MYO1B: variants seen among roughly 807,000 people sequenced by gnomAD.
The protein encoded by MYO1B is myosin IB, also known as unconventional myosin-Ib.
MYO1B carries 72 observed loss-of-function variants against 159.7 expected under a neutral mutation model. The observed-to-expected ratio is 0.45, with a 90% confidence interval of 0.37 to 0.55. The LOEUF is 0.55. Among genes scored for constraint, MYO1B ranks in the 20% least tolerant of loss-of-function variants. The pLI is 0.00. For synonymous variants in MYO1B, 468 were observed against 473.8 expected (o/e 0.99, Z 0.16); for missense variants, 1,062 against 1,364.8 (o/e 0.78, Z 3.50).
At position 191,390,206 on chromosome 2, in the gene MYO1B, A is replaced by C; in HGVS notation, c.1782-86A>C. ...AATAACATAATTGTTTTGCTATGAA[A>C]CAGTTATATATAATACTTTGTGAAA... On this transcript the variant is annotated intron_variant, in intron 17 of 30. Transcript: ENST00000392318. The C allele has an allele frequency of 3.3e-6, 4 of 1,213,534 alleles. No homozygotes were observed. In the South Asian group the frequency reaches 7.8e-5, roughly 24 times the overall value. The allele number at this position is 1,213,534 out of a possible 1,614,324, so 75.2% of individuals were successfully genotyped here.
intron 2 of MYO1B, among the ~76,000 whole-genome samples, chr2:191,289,314 T>G (rs1227517842): frequency 2.0e-5 from 3 of 152,244 alleles, no homozygotes; most frequent in Non-Finnish European, 4.4e-5. Flanking sequence ...GATTGTATGC[T>G]CTAATGAAAA....
intron 2 of MYO1B, among the ~76,000 whole-genome samples, chr2:191,280,872 A>C (rs553359722): frequency 1.3e-4 from 20 of 152,296 alleles, no homozygotes; most frequent in Non-Finnish European, 2.5e-4. Context: ...GGATGTGTCC[A>C]TGGGAAGAAT....
intron 3 of MYO1B, among the ~76,000 whole-genome samples, chr2:191,306,076 TA>T (rs1689634361): frequency 6.6e-6 from 1 of 152,126 alleles, no homozygotes; most frequent in African/African-American, 2.4e-5. Flanking sequence ...CAAGAGACGT[TA>T]ATAAAACAAA....
At chr2:191,301,489 T>TC (rs1230175231) in intron 3 of MYO1B, among the ~76,000 whole-genome samples, 1 of 152,118 alleles carries the variant, frequency 6.6e-6, no homozygotes, top group Non-Finnish European at 1.5e-5. Context: ...ACTCCTGACC[T>TC]CCAAATGCAG....
intron 11 of MYO1B, among the ~76,000 whole-genome samples, chr2:191,366,078 C>T (rs1479342916): frequency 6.6e-6 from 1 of 152,148 alleles, no homozygotes; most frequent in East Asian, 1.9e-4. Flanking sequence ...TTTTGAGAGC[C>T]ACCGAGTTTG....
chr2:191,382,062 G>C (rs1695072329), intron 14 of MYO1B, among the ~76,000 whole-genome samples: 1 of 151,994 alleles, frequency 6.6e-6, no homozygotes, highest in Non-Finnish European at 1.5e-5. Flanking sequence ...ACCAGAAGTA[G>C]TGTTTGCAGA....
intron 24 of MYO1B, among the ~76,000 whole-genome samples, chr2:191,407,369 G>A (rs770260543): frequency 6.6e-6 from 1 of 151,948 alleles, no homozygotes; most frequent in South Asian, 2.1e-4. Context: ...ATTTGTATCT[G>A]GATGGTAATA....
chr2:191,399,302 AGAGGGAGAG>A (rs1696454203), intron 21 of MYO1B, among the ~76,000 whole-genome samples: 1 of 148,366 alleles, frequency 6.7e-6, no homozygotes, highest in Non-Finnish European at 1.5e-5. Context: ...AGGGAGAGGG[AGAGGGAGAG>A]GGAGGAAGAT....
chr2:191,276,782 G>T, intron 1 of MYO1B, 105 bp from the exon 2 acceptor site: 1 of 1,324,436 alleles, frequency 7.6e-7, no homozygotes, highest in South Asian at 1.5e-5. Context: ...TAAGGCTAGT[G>T]AGAGTCATTT....
intron 3 of MYO1B, among the ~76,000 whole-genome samples, chr2:191,310,462 C>T (rs996512906): frequency 2.6e-5 from 4 of 152,178 alleles, no homozygotes; most frequent in East Asian, 1.9e-4. Flanking sequence ...CTCGGCCTCC[C>T]GAAGTGCTGG....
intron 24 of MYO1B, among the ~76,000 whole-genome samples, chr2:191,404,038 T>C (rs1196412994): frequency 6.6e-6 from 1 of 152,212 alleles, no homozygotes; most frequent in African/African-American, 2.4e-5. Flanking sequence ...AAAACAGAGG[T>C]ACTTTACTAT....
chr2:191,308,193 A>G (rs1220875923), intron 3 of MYO1B, among the ~76,000 whole-genome samples: 5 of 152,156 alleles, frequency 3.3e-5, no homozygotes, highest in African/African-American at 1.2e-4. Context: ...GTTATGAATA[A>G]TACAAGATAC....
intron 2 of MYO1B, among the ~76,000 whole-genome samples, chr2:191,291,596 G>A (rs939689844): frequency 7.2e-5 from 11 of 152,158 alleles, no homozygotes; most frequent in African/African-American, 1.9e-4. Flanking sequence ...GGACCTGAGG[G>A]CTTAGGGGAG....
rs118033532 is a variant in MYO1B at position 191,256,310 on chromosome 2, C to T, written c.-10+10684C>T. On this transcript the variant is annotated intron_variant, in intron 1 of 30. Coordinates refer to ENST00000392318, the MANE Select transcript of MYO1B (RefSeq NM_001130158.3). ...CGGTCTGCCTCCATTTTCTCATCTG[C>T]GCAATGTGGGTAATTTTGCAGAGCT... Among the ~76,000 whole-genome samples the T allele has an allele frequency of 1.6e-4, 24 of 152,244 alleles. No individual in the cohort carries two copies. In the East Asian group the frequency reaches 4.1e-3, roughly 26 times the overall value.
At chr2:191,405,111 A>G (rs149916061) in intron 24 of MYO1B, among the ~76,000 whole-genome samples, 1 of 152,350 alleles carries the variant, frequency 6.6e-6, no homozygotes, top group African/African-American at 2.4e-5. Flanking sequence ...GGAATATTCC[A>G]AATCCTTTGT....
At chr2:191,418,259 G>A in intron 30 of MYO1B, among the ~76,000 whole-genome samples, 1 of 152,120 alleles carries the variant, frequency 6.6e-6, no homozygotes, top group Non-Finnish European at 1.5e-5. Context: ...AAAGTCATAG[G>A]CAGGGGCGCC....
At chr2:191,321,093 A>G (rs1024879283) in intron 3 of MYO1B, among the ~76,000 whole-genome samples, 3 of 152,146 alleles carry the variant, frequency 2.0e-5, no homozygotes, top group East Asian at 3.9e-4. Flanking sequence ...ACTGTTTGGG[A>G]TGTGGATATG....
intron 24 of MYO1B, among the ~76,000 whole-genome samples, chr2:191,404,550 C>T (rs1315982618): frequency 6.6e-6 from 1 of 152,118 alleles, no homozygotes; most frequent in Non-Finnish European, 1.5e-5. Context: ...AGCTCTGTGG[C>T]TAAAAGACAG....
At chr2:191,283,574 C>G (rs1688189775) in intron 2 of MYO1B, among the ~76,000 whole-genome samples, 3 of 152,192 alleles carry the variant, frequency 2.0e-5, no homozygotes, top group Admixed American at 2.0e-4. Context: ...TTAATTTTCA[C>G]TAGAGTCCTA....
Sources: gnomAD v4.1 joint callset for allele counts (sites outside exome capture counted in the v4.1 genomes callset) on GRCh38, gnomAD v4.1.1 for gene constraint, MANE v1.5 for transcripts, NCBI Gene and HGNC (gene_info 2026-07-23, HGNC 2026-07-21) for gene names.